Variants in FAM163A observed in about 807,000 individuals in gnomAD.
FAM163A encodes family with sequence similarity 163 member A.
In FAM163A, 7 loss-of-function variants were observed where a neutral mutation model predicts 12.0. The observed-to-expected ratio is 0.58, with a 90% confidence interval of 0.33 to 1.10. FAM163A has a LOEUF of 1.10. Among genes scored for constraint, FAM163A ranks in the 50% least tolerant of loss-of-function variants. The probability of loss-of-function intolerance (pLI) is 0.03; values close to 1 mark genes in which losing one functional copy is unlikely to be tolerated. For missense variants in FAM163A, 202 were observed against 218.6 expected (o/e 0.92, Z 0.48); for synonymous variants, 101 against 91.0 (o/e 1.11, Z -0.62).
chr1:179,786,967 A>C (rs937585026), intron 1 of FAM163A, among the ~76,000 whole-genome samples: 12 of 152,174 alleles, frequency 7.9e-5, no homozygotes, highest in African/African-American at 2.7e-4. Flanking sequence ...CTCTGCCTGC[A>C]CCCTGGCCGC....
chr1:179,746,159 T>A (rs75188695), intron 1 of FAM163A, among the ~76,000 whole-genome samples: 1,843 of 152,334 alleles, frequency 0.012, 23 homozygotes, highest in East Asian at 0.043. Context: ...ATATTGCTGC[T>A]GGGAGAGTAA....
chr1:179,781,039 T>G (rs1689652250), intron 1 of FAM163A, among the ~76,000 whole-genome samples: 1 of 152,142 alleles, frequency 6.6e-6, no homozygotes. Context: ...TACTCAGTTA[T>G]GAAAACCGTA....
intron 1 of FAM163A, among the ~76,000 whole-genome samples, chr1:179,763,254 T>C (rs1687052784): frequency 6.6e-6 from 1 of 152,228 alleles, no homozygotes; most frequent in African/African-American, 2.4e-5. Flanking sequence ...GGTGATTTCC[T>C]TTATAGATGT....
At chr1:179,739,851 A>C (rs947397915), upstream of FAM163A, among the ~76,000 whole-genome samples, 1 of 152,248 alleles carries the variant, frequency 6.6e-6, no homozygotes, top group Non-Finnish European at 1.5e-5. Context: ...TTAAAATCAC[A>C]ATGACACATC....
chr1:179,762,229 A>G (rs1370073936), intron 1 of FAM163A, among the ~76,000 whole-genome samples: 3 of 152,260 alleles, frequency 2.0e-5, no homozygotes, highest in Non-Finnish European at 4.4e-5. Context: ...GATAGCTGCT[A>G]CAAATGAATG....
chr1:179,758,692 C>T (rs2148030927), intron 1 of FAM163A, among the ~76,000 whole-genome samples: 1 of 152,374 alleles, frequency 6.6e-6, no homozygotes, highest in African/African-American at 2.4e-5. Flanking sequence ...AGCAGGTATG[C>T]ACTGGTAGGG....
upstream of FAM163A, among the ~76,000 whole-genome samples, chr1:179,741,275 C>G (rs1176228568): frequency 1.3e-5 from 2 of 152,218 alleles, no homozygotes; most frequent in Non-Finnish European, 2.9e-5. Flanking sequence ...CATAAGAAGT[C>G]TAATAATATT....
Position 179,767,747 on chromosome 1 carries a change from C to T in FAM163A, c.-136+24324C>T, listed in dbSNP as rs114387604. On this transcript the variant is annotated intron_variant, in intron 1 of 4. Transcript: ENST00000341785. The stretch of plus-strand genomic sequence containing the variant: ...AGGAGAATCCTGGTGCTCCAATGCC[C>T]TCCCAACACAGGTCAATGTAACAGC... Among the ~76,000 whole-genome samples the T allele has an allele frequency of 4.1e-3, 617 of 152,314 alleles. 8 individuals are homozygous for T. The highest frequency in any genetic ancestry group is 0.015 in the African/African-American group (605 of 41,582).
chr1:179,741,254 G>A (rs983174272), upstream of FAM163A, among the ~76,000 whole-genome samples: 2 of 152,224 alleles, frequency 1.3e-5, no homozygotes, highest in Admixed American at 6.5e-5. Flanking sequence ...ATCTCCGCCA[G>A]ACTGGCAAAA....
rs940520262 is a variant in FAM163A at position 179,807,783 on chromosome 1, T to C, written c.-135-15T>C. 17 of 152,342 alleles carry C rather than the reference T, an allele frequency of 1.1e-4. No homozygotes were observed. The highest frequency in any genetic ancestry group is 3.9e-4 in the African/African-American group (16 of 41,450). The allele number at this position is 152,342 out of a possible 1,614,324, so 9.4% of individuals were successfully genotyped here. Reference sequence around the variant, plus strand: ...TGTCCAGCTCTCATGAGCCTTTCCTTCTCTTCTCTGGCAGGGACTGATGCC... The same window carrying C: ...TGTCCAGCTCTCATGAGCCTTTCCTCCTCTTCTCTGGCAGGGACTGATGCC... On this transcript the variant is annotated splice_polypyrimidine_tract_variant and intron_variant, in intron 1 of 4. Coordinates refer to ENST00000341785, the MANE Select transcript of FAM163A (RefSeq NM_173509.3).
chr1:179,808,570 G>A (rs1044806545), intron 2 of FAM163A, among the ~76,000 whole-genome samples: 1 of 152,218 alleles, frequency 6.6e-6, no homozygotes, highest in African/African-American at 2.4e-5. Context: ...CCCCAACATG[G>A]CAACTTTCAG....
chr1:179,757,217 G>A (rs73039637), intron 1 of FAM163A, among the ~76,000 whole-genome samples: 8 of 152,316 alleles, frequency 5.3e-5, no homozygotes, highest in African/African-American at 1.9e-4. Context: ...AGTAGAAGAA[G>A]CTTGACCATG....
chr1:179,798,213 C>T (rs918166921), intron 1 of FAM163A, among the ~76,000 whole-genome samples: 1 of 151,554 alleles, frequency 6.6e-6, no homozygotes, highest in African/African-American at 2.4e-5. Context: ...CTGGGCCAGA[C>T]TCCATCTCAA....
At chr1:179,768,137 T>A (rs1315359640) in intron 1 of FAM163A, among the ~76,000 whole-genome samples, 1 of 152,256 alleles carries the variant, frequency 6.6e-6, no homozygotes, top group African/African-American at 2.4e-5. Flanking sequence ...TTTAGCATAA[T>A]GTCTGTCCGT....
chr1:179,735,082 G>T, the FAM163A span, among the ~76,000 whole-genome samples: 7,846 of 152,214 alleles, frequency 0.052, 236 homozygotes, highest in African/African-American at 0.074. Context: ...GTTTTTCCTT[G>T]ATGTAGCTCT....
chr1:179,745,148 C>T (rs535237707), intron 1 of FAM163A, among the ~76,000 whole-genome samples: 1 of 151,964 alleles, frequency 6.6e-6, no homozygotes, highest in South Asian at 2.1e-4. Flanking sequence ...GTCATGCTGG[C>T]GTCCAGAGGG....
At chr1:179,729,482 T>C in the FAM163A span, among the ~76,000 whole-genome samples, 1 of 152,206 alleles carries the variant, frequency 6.6e-6, no homozygotes, top group Non-Finnish European at 1.5e-5. Context: ...TGTGGAAATG[T>C]AGACCCAAGA....
chr1:179,802,704 TACCCACATCTGCACC>T (rs1246234302), intron 1 of FAM163A, among the ~76,000 whole-genome samples: 3 of 152,196 alleles, frequency 2.0e-5, no homozygotes, highest in Non-Finnish European at 4.4e-5. Flanking sequence ...TGCTCCTGTA[TACCCACATCTGCACC>T]AATGCTTGGC....
chr1:179,760,069 A>G (rs890665957), intron 1 of FAM163A, among the ~76,000 whole-genome samples: 15 of 152,158 alleles, frequency 9.9e-5, no homozygotes, highest in Non-Finnish European at 2.1e-4. Context: ...ATGTTTTATA[A>G]AGATCATCTG....
Sources: allele counts gnomAD v4.1 joint callset (sites outside exome capture counted in the v4.1 genomes callset), GRCh38; gene constraint gnomAD v4.1.1; transcripts MANE v1.5; gene names NCBI Gene and HGNC (gene_info 2026-07-23, HGNC 2026-07-21).